The following CGNL1 variants were observed in gnomAD, a reference collection of about 807,000 sequenced individuals.
CGNL1 encodes the protein cingulin like 1.
CGNL1 carries 132 observed loss-of-function variants against 141.2 expected under a neutral mutation model. The observed-to-expected ratio is 0.93, with a 90% CI of 0.81 to 1.08. CGNL1 has a LOEUF of 1.08. Among genes scored for constraint, CGNL1 ranks in the 50% least tolerant of loss-of-function variants. The pLI, the probability that CGNL1 is intolerant of heterozygous loss-of-function variation, is 0.00. For synonymous variants in CGNL1, 690 were observed against 622.1 expected (o/e 1.11, Z -1.63); for missense variants, 1,870 against 1,588.6 (o/e 1.18, Z -3.01).
At chr15:57,380,313 C>T (rs1400775708) in intron 1 of CGNL1, among the ~76,000 whole-genome samples, 1 of 152,186 alleles carries the variant, frequency 6.6e-6, no homozygotes, top group African/African-American at 2.4e-5. Context: ...CGATTACAGG[C>T]ATGAGCCACT....
At chr15:57,481,228 A>G (rs559411072) in intron 8 of CGNL1, among the ~76,000 whole-genome samples, 1 of 152,246 alleles carries the variant, frequency 6.6e-6, no homozygotes, top group East Asian at 1.9e-4. Flanking sequence ...AATGTATTGC[A>G]AACTATAGTA....
At chr15:57,413,191 T>TTC (rs1425786575) in intron 1 of CGNL1, among the ~76,000 whole-genome samples, 45 of 65,734 alleles carry the variant, frequency 6.8e-4, no homozygotes, top group African/African-American at 1.3e-3. Flanking sequence ...CTTTCTCTCT[T>TTC]TCTCTTTCTC....
intron 8 of CGNL1, among the ~76,000 whole-genome samples, chr15:57,463,387 A>G (rs2063470164): frequency 6.6e-6 from 1 of 152,228 alleles, no homozygotes; most frequent in African/African-American, 2.4e-5. Context: ...AAATGTCTGC[A>G]TTATATATTA....
chr15:57,518,222 C>T (rs377377498), intron 9 of CGNL1, among the ~76,000 whole-genome samples, 171 bp from the exon 10 acceptor site: 14 of 152,270 alleles, frequency 9.2e-5, no homozygotes, highest in Middle Eastern at 6.8e-3. Context: ...GATAAACACA[C>T]GCATCCAAGA....
chr15:57,477,011 TTTTC>T (rs2063665096), intron 8 of CGNL1, among the ~76,000 whole-genome samples: 1 of 152,164 alleles, frequency 6.6e-6, no homozygotes, highest in African/African-American at 2.4e-5. Context: ...CTTCCCTTCT[TTTTC>T]TTTCTTTTTG....
intron 8 of CGNL1, among the ~76,000 whole-genome samples, chr15:57,516,304 G>C (rs576235217): frequency 6.6e-6 from 1 of 152,086 alleles, no homozygotes; most frequent in Non-Finnish European, 1.5e-5. Flanking sequence ...AAGTGATCTT[G>C]GACAAGTTAC....
intron 7 of CGNL1, among the ~76,000 whole-genome samples, chr15:57,456,261 G>A (rs1414626462): frequency 6.6e-6 from 1 of 152,200 alleles, no homozygotes; most frequent in African/African-American, 2.4e-5. Flanking sequence ...AACACAATGA[G>A]CATTAAACAC....
At position 57,439,585 on chromosome 15, in the gene CGNL1, C is replaced by T. The variant is rs776367087; in HGVS notation, c.1586C>T (p.Ser529Leu). The change falls in exon 2 of 19, where the codon TCG becomes TTG. Residue 529 changes from serine to leucine, a missense_variant. Coordinates refer to ENST00000281282, the MANE Select transcript of CGNL1 (RefSeq NM_032866.5). ...AKKISVKTFP[S>L]ASNTQATPDL... The stretch of plus-strand genomic sequence containing the variant: ...AAAATTTCCGTGAAGACATTTCCTT[C>T]GGCCTCAAATACTCAGGTAACACTA... 7 of 1,613,186 alleles carry T rather than the reference C, an allele frequency of 4.3e-6. No homozygotes were observed. Among genetic ancestry groups the T allele is most frequent in the African/African-American group, 1.3e-5 (1 of 74,906 alleles).
chr15:57,545,976 G>A (rs1345925023), intron 17 of CGNL1, 100 bp from the exon 18 acceptor site: 1 of 1,369,390 alleles, frequency 7.3e-7, no homozygotes, highest in South Asian at 1.4e-5. Context: ...CATTGCCCAT[G>A]TCTTGGTTGC....
At chr15:57,461,953 C>G in intron 8 of CGNL1, 61 bp downstream of exon 8, 1 of 1,234,806 alleles carries the variant, frequency 8.1e-7, no homozygotes, top group Non-Finnish European at 1.2e-6. Flanking sequence ...ACCCTCTCTC[C>G]CACACCACTG....
chr15:57,532,240 C>A lies in CGNL1; in HGVS notation c.3291+461C>A, dbSNP rs527389711. On this transcript the variant is annotated intron_variant, in intron 14 of 18. Transcript: ENST00000281282. ...GTGTCTTGTAAATGAAGGGCTGAGA[C>A]TAGTGAATACAAATTAATTATCTTT... 2.0e-4 allele frequency among the ~76,000 whole-genome samples: 31 copies of A among 152,294 alleles called. No homozygotes were observed. The South Asian group carries it at 6.4e-3, about 32-fold the overall frequency.
intron 1 of CGNL1, among the ~76,000 whole-genome samples, chr15:57,385,405 C>T (rs1239563004): frequency 6.6e-6 from 1 of 152,188 alleles, no homozygotes; most frequent in African/African-American, 2.4e-5. Flanking sequence ...CGTGGGGGCG[C>T]ATGCCTGCAT....
At chr15:57,498,189 T>C (rs1370235622) in intron 8 of CGNL1, among the ~76,000 whole-genome samples, 3 of 151,920 alleles carry the variant, frequency 2.0e-5, no homozygotes, top group Non-Finnish European at 4.4e-5. Context: ...TATAGTCTTG[T>C]GTTGTGCTTT....
chr15:57,543,612 C>A, intron 14 of CGNL1, 84 bp from the exon 15 acceptor site: 1 of 1,214,754 alleles, frequency 8.2e-7, no homozygotes, highest in Non-Finnish European at 1.2e-6. Flanking sequence ...TGGAGGTTGA[C>A]ATTCAGTTCC....
intron 1 of CGNL1, among the ~76,000 whole-genome samples, chr15:57,434,573 C>T (rs144647534): frequency 8.8e-4 from 134 of 152,090 alleles, no homozygotes; most frequent in African/African-American, 3.1e-3. Context: ...TAAAACCCAC[C>T]CCTGGGTATG....
At position 57,461,707 on chromosome 15, in the gene CGNL1, C is replaced by T. The variant is rs759469725; in HGVS notation, c.2218C>T (p.Gln740Ter). ...GCTCTTACAGGCAAAACAGGATCTT[C>T]AAGATCTGCTGATTGCCAAAGAGGA... ...EELLQAKQDLQDLLIAKEEQE... is the reference protein window; with the variant it reads ...EELLQAKQDL The change falls in exon 8 of 19, where the codon CAA (glutamine) becomes TAA (stop). Residue 740 changes from glutamine to a stop codon, truncating the protein, a stop_gained. Transcript: ENST00000281282. LOFTEE classifies it high-confidence loss of function. The T allele has an allele frequency of 6.2e-7, 1 of 1,614,116 alleles. No individual in the cohort carries two copies. The highest frequency in any genetic ancestry group is 8.5e-7 in the Non-Finnish European group (1 of 1,179,980).
chr15:57,410,405 C>T (rs575776623), intron 1 of CGNL1, among the ~76,000 whole-genome samples: 120 of 152,302 alleles, frequency 7.9e-4, no homozygotes, highest in African/African-American at 2.8e-3. Context: ...GGCTGTATTT[C>T]CTACCCTTGG....
chr15:57,509,936 G>A (rs749116752), intron 8 of CGNL1, among the ~76,000 whole-genome samples: 6 of 152,196 alleles, frequency 3.9e-5, no homozygotes, highest in Non-Finnish European at 7.3e-5. Context: ...ACTGGGAAAT[G>A]GGGCTAAGAT....
At chr15:57,384,194 C>A (rs969801203) in intron 1 of CGNL1, among the ~76,000 whole-genome samples, 11 of 152,124 alleles carry the variant, frequency 7.2e-5, no homozygotes, top group Non-Finnish European at 1.3e-4. Flanking sequence ...CTTCTCCCTG[C>A]AGGCCTGAGT....
Sources: allele counts gnomAD v4.1 joint callset (sites outside exome capture counted in the v4.1 genomes callset), GRCh38; gene constraint gnomAD v4.1.1; transcripts MANE v1.5; gene names NCBI Gene and HGNC (gene_info 2026-07-23, HGNC 2026-07-21).